The following PRKN variants were observed in gnomAD, a reference collection of about 807,000 sequenced individuals.
The protein encoded by PRKN is E3 ubiquitin-protein ligase parkin.
In PRKN, 56 loss-of-function variants were observed where a neutral mutation model predicts 59.5. The ratio of observed to expected loss-of-function variants is 0.94; its 90% confidence interval spans 0.76 to 1.18. PRKN has a LOEUF of 1.18. Ranked by LOEUF, PRKN falls within the 50% of genes most tolerant of loss-of-function variation. The pLI, the probability that PRKN is intolerant of heterozygous loss-of-function variation, is 0.00. For missense variants in PRKN, 657 were observed against 596.4 expected (o/e 1.10, Z -1.06); for synonymous variants, 250 against 222.1 (o/e 1.13, Z -1.12).
At chr6:162,435,568 T>A (rs902133050) in intron 2 of PRKN, among the ~76,000 whole-genome samples, 1 of 152,202 alleles carries the variant, frequency 6.6e-6, no homozygotes, top group Non-Finnish European at 1.5e-5. Flanking sequence ...AAAGTGAGCA[T>A]TTGCCCTGTA....
chr6:162,048,838 T>C (rs990147634), intron 5 of PRKN, among the ~76,000 whole-genome samples: 2 of 151,946 alleles, frequency 1.3e-5, no homozygotes, highest in African/African-American at 2.4e-5. Flanking sequence ...TAAGGTATCA[T>C]AGGTAAATTA....
chr6:161,973,302 C>G lies in PRKN; in HGVS notation c.734G>C (p.Arg245Thr). The G allele has an allele frequency of 6.3e-7, 1 of 1,599,386 alleles. No individual in the cohort carries two copies. Among genetic ancestry groups the G allele is most frequent in the Non-Finnish European group, 8.6e-7 (1 of 1,166,596 alleles). The change falls in exon 6 of 12, where the codon AGG (arginine) becomes ACG (threonine). Residue 245 changes from arginine (R) to threonine (T), a missense_variant and splice_region_variant. Transcript: ENST00000366898. ...AGTGACACTATTTTTAGATCCTTAC[C>G]TGACGTCTGTGCACGTAATGCAAGT... ...NITCITCTDV[R>T]SPVLVFQCNS... is the part of the protein sequence containing the mutation.
chr6:162,194,006 C>T (rs1044511212), intron 4 of PRKN, among the ~76,000 whole-genome samples: 1 of 152,020 alleles, frequency 6.6e-6, no homozygotes, highest in African/African-American at 2.4e-5. Flanking sequence ...TTTGGTAAAC[C>T]AACAAACAAA....
intron 7 of PRKN, among the ~76,000 whole-genome samples, chr6:161,571,181 G>C (rs981935058): frequency 6.6e-6 from 1 of 152,172 alleles, no homozygotes; most frequent in African/African-American, 2.4e-5. Flanking sequence ...CTGGGCTCAA[G>C]TGACGCTCCC....
intron 1 of PRKN, among the ~76,000 whole-genome samples, chr6:162,538,742 A>G (rs917393228): frequency 1.3e-5 from 2 of 152,232 alleles, no homozygotes; most frequent in Non-Finnish European, 2.9e-5. Context: ...AAGATTTCAA[A>G]AAGCACTGTC....
chr6:161,350,960 T>G (rs57565573), intron 11 of PRKN, among the ~76,000 whole-genome samples: 1 of 58,442 alleles, frequency 1.7e-5, no homozygotes, highest in Non-Finnish European at 2.7e-5. Flanking sequence ...ATATTTATAT[T>G]TAAAATATAT....
At chr6:162,150,339 G>T (rs1460857548) in intron 4 of PRKN, among the ~76,000 whole-genome samples, 1 of 152,146 alleles carries the variant, frequency 6.6e-6, no homozygotes, top group Non-Finnish European at 1.5e-5. Flanking sequence ...GAGTTTGGGG[G>T]CCTTCTCTGT....
rs535334630 is a variant in PRKN at position 161,635,519 on chromosome 6, T to A, written c.872-66103A>T. 5.3e-5 allele frequency among the ~76,000 whole-genome samples: 8 copies of A among 152,342 alleles called. No individual in the cohort carries two copies. The South Asian group carries it at 1.7e-3, about 32-fold the overall frequency. ...GCCCCCATTCATGTGAGAGGCAATC[T>A]CTATTACAAGGACATCGGTGTGCAG... On this transcript the variant is annotated intron_variant, in intron 7 of 11. Transcript: ENST00000366898.
At chr6:162,708,901 G>A (rs1007435984) in intron 1 of PRKN, among the ~76,000 whole-genome samples, 4 of 152,184 alleles carry the variant, frequency 2.6e-5, no homozygotes, top group African/African-American at 9.7e-5. Flanking sequence ...AGCGGAGCCA[G>A]TAAACCTTCC....
chr6:161,855,482 A>G (rs985404984), intron 6 of PRKN, among the ~76,000 whole-genome samples: 3 of 152,226 alleles, frequency 2.0e-5, no homozygotes, highest in Admixed American at 6.5e-5. Context: ...GCACACATAC[A>G]TAATCCACCA....
chr6:161,689,191 CACACACACACACACA>C (rs1264451640), intron 7 of PRKN, among the ~76,000 whole-genome samples: 1 of 15,576 alleles, frequency 6.4e-5, no homozygotes, highest in Non-Finnish European at 1.7e-4. Flanking sequence ...ATTGTACACA[CACACACACACACACA>C]CACACACACA....
chr6:162,655,198 T>C (rs1778600124), intron 1 of PRKN, among the ~76,000 whole-genome samples: 1 of 152,184 alleles, frequency 6.6e-6, no homozygotes, highest in South Asian at 2.1e-4. Context: ...TTTAAATATA[T>C]TATCACATTT....
chr6:161,813,802 C>T (rs999695267), intron 6 of PRKN, among the ~76,000 whole-genome samples: 18 of 152,200 alleles, frequency 1.2e-4, no homozygotes, highest in Admixed American at 3.3e-4. Flanking sequence ...CCTGGAGCTG[C>T]GGCAGCACTA....
At chr6:161,427,544 A>G (rs892922277) in intron 9 of PRKN, among the ~76,000 whole-genome samples, 4 of 152,286 alleles carry the variant, frequency 2.6e-5, no homozygotes, top group South Asian at 4.1e-4. Flanking sequence ...AGGCAATTTC[A>G]TAAGTCTATA....
At position 162,592,761 on chromosome 6, in the gene PRKN, A is replaced by C. The variant is rs1308497685; in HGVS notation, c.7+134901T>G. Among the ~76,000 whole-genome samples, 5 of 152,052 alleles carry C rather than the reference A, an allele frequency of 3.3e-5. No individual in the cohort carries two copies. In the East Asian group the frequency reaches 9.6e-4, roughly 29 times the overall value. ...TAGATGTCAACAAAAATTTTAAAAG[A>C]TTCAGAAGGATCAAAAGAGTGGGAC... On this transcript the variant is annotated intron_variant, in intron 1 of 11. Coordinates refer to ENST00000366898, the MANE Select transcript of PRKN (RefSeq NM_004562.3).
At chr6:162,294,625 G>C (rs1781582637) in intron 2 of PRKN, among the ~76,000 whole-genome samples, 1 of 152,070 alleles carries the variant, frequency 6.6e-6, no homozygotes, top group Non-Finnish European at 1.5e-5. Context: ...AACTGGAAAA[G>C]GAAATACAAC....
intron 7 of PRKN, among the ~76,000 whole-genome samples, chr6:161,763,410 C>A (rs564328497): frequency 6.6e-6 from 1 of 151,718 alleles, no homozygotes; most frequent in South Asian, 2.1e-4. Context: ...TGATAGTAAC[C>A]CCCTCCTCTC....
chr6:162,312,312 T>G (rs777742219), intron 2 of PRKN, among the ~76,000 whole-genome samples: 3 of 152,150 alleles, frequency 2.0e-5, no homozygotes, highest in Non-Finnish European at 2.9e-5. Flanking sequence ...TCCTTTCTGA[T>G]TTTTACTGTT....
intron 7 of PRKN, among the ~76,000 whole-genome samples, chr6:161,678,925 A>G (rs1200692593): frequency 6.6e-6 from 1 of 152,168 alleles, no homozygotes. Flanking sequence ...AATAAAGAAA[A>G]AACACACCCA....
Sources: gnomAD v4.1 joint callset for allele counts (sites outside exome capture counted in the v4.1 genomes callset) on GRCh38, gnomAD v4.1.1 for gene constraint, MANE v1.5 for transcripts, NCBI Gene and HGNC (gene_info 2026-07-23, HGNC 2026-07-21) for gene names.